GPC5: variants seen among roughly 807,000 people sequenced by gnomAD.
GPC5 encodes glypican 5, also known as glypican-5.
In GPC5, 47 loss-of-function variants were observed where a neutral mutation model predicts 53.9. The ratio of observed to expected loss-of-function variants is 0.87; its 90% CI spans 0.69 to 1.11. GPC5 has a LOEUF of 1.11. Ranked by LOEUF, GPC5 falls within the 50% of genes most tolerant of loss-of-function variation. GPC5 has a pLI of 0.00. For missense variants in GPC5, 748 were observed against 713.1 expected (o/e 1.05, Z -0.56); for synonymous variants, 286 against 263.3 (o/e 1.09, Z -0.84).
intron 7 of GPC5, among the ~76,000 whole-genome samples, chr13:92,248,057 G>A (rs2042665731): frequency 6.6e-6 from 1 of 152,118 alleles, no homozygotes; most frequent in African/African-American, 2.4e-5. Flanking sequence ...TGTAGATAAT[G>A]GCAAGTTAGC....
At chr13:91,955,929 C>T (rs935106914) in intron 6 of GPC5, among the ~76,000 whole-genome samples, 1 of 152,174 alleles carries the variant, frequency 6.6e-6, no homozygotes, top group Admixed American at 6.5e-5. Context: ...TACAAGCACC[C>T]TGAGGACAGC....
intron 2 of GPC5, among the ~76,000 whole-genome samples, chr13:91,617,063 A>G (rs990703634): frequency 1.3e-5 from 2 of 152,176 alleles, no homozygotes; most frequent in Non-Finnish European, 2.9e-5. Flanking sequence ...CATTAAATCC[A>G]CTGGAGTATT....
chr13:91,777,446 G>A (rs1409255775), intron 5 of GPC5, among the ~76,000 whole-genome samples: 1 of 152,154 alleles, frequency 6.6e-6, no homozygotes, highest in East Asian at 1.9e-4. Context: ...GCTATTTAAT[G>A]TGAAGTCACC....
intron 2 of GPC5, among the ~76,000 whole-genome samples, chr13:91,542,062 TAAATC>T (rs1379816415): frequency 1.3e-5 from 2 of 151,316 alleles, no homozygotes; most frequent in Non-Finnish European, 2.9e-5. Flanking sequence ...ATAACACTCT[TAAATC>T]AACCTTAAAT....
chr13:92,730,894 T>TC (rs1260315982), intron 7 of GPC5, among the ~76,000 whole-genome samples: 2 of 151,448 alleles, frequency 1.3e-5, no homozygotes, highest in East Asian at 3.9e-4. Context: ...TAGCGGGTGG[T>TC]GAAAATTATT....
intron 7 of GPC5, chr13:92,240,663 G>C (rs925956242): frequency 2.8e-5 from 3 of 105,368 alleles, no homozygotes; most frequent in African/African-American, 1.0e-4. Flanking sequence ...ACCACGATGA[G>C]AGACTAATTT....
intron 2 of GPC5, among the ~76,000 whole-genome samples, chr13:91,470,542 T>C (rs1660020817): frequency 6.6e-6 from 1 of 152,174 alleles, no homozygotes; most frequent in Admixed American, 6.5e-5. Context: ...AGGTGTATGA[T>C]TTGTGACCCA....
At chr13:92,281,122 T>C (rs923231504) in intron 7 of GPC5, among the ~76,000 whole-genome samples, 9 of 152,092 alleles carry the variant, frequency 5.9e-5, no homozygotes, top group Non-Finnish European at 1.0e-4. Context: ...GCTCAGAGGG[T>C]CCCACGCCCA....
chr13:92,217,039 G>A (rs192255428), intron 7 of GPC5, among the ~76,000 whole-genome samples: 1 of 151,858 alleles, frequency 6.6e-6, no homozygotes, highest in East Asian at 1.9e-4. Context: ...TGGCAAGAGG[G>A]TGGGGGTAGC....
chr13:91,942,482 C>T (rs1286794286), intron 6 of GPC5, among the ~76,000 whole-genome samples: 1 of 152,040 alleles, frequency 6.6e-6, no homozygotes, highest in East Asian at 1.9e-4. Context: ...CAACTTCTAA[C>T]TCATCCTGAC....
intron 7 of GPC5, among the ~76,000 whole-genome samples, chr13:92,668,662 T>G (rs1886650068): frequency 6.6e-6 from 1 of 152,160 alleles, no homozygotes; most frequent in South Asian, 2.1e-4. Context: ...TAATCTTTTA[T>G]TTGACATTAA....
intron 2 of GPC5, among the ~76,000 whole-genome samples, chr13:91,652,067 A>C (rs1040158614): frequency 3.9e-5 from 6 of 152,200 alleles, no homozygotes; most frequent in African/African-American, 4.8e-5. Context: ...CACTGCTTCA[A>C]ATATTGTCTC....
intron 6 of GPC5, among the ~76,000 whole-genome samples, chr13:92,003,065 C>A (rs780933027): frequency 6.6e-6 from 1 of 152,142 alleles, no homozygotes; most frequent in Non-Finnish European, 1.5e-5. Flanking sequence ...AATCCCAGCA[C>A]TTTGGGAGGC....
At chr13:92,547,048 C>A (rs1882143015) in intron 7 of GPC5, among the ~76,000 whole-genome samples, 1 of 152,024 alleles carries the variant, frequency 6.6e-6, no homozygotes. Flanking sequence ...AATTTTAGAC[C>A]TAAAACCATA....
At chr13:91,493,960 G>A (rs1043857404) in intron 2 of GPC5, among the ~76,000 whole-genome samples, 3 of 151,788 alleles carry the variant, frequency 2.0e-5, no homozygotes, top group African/African-American at 4.8e-5. Flanking sequence ...TGCAACCTCC[G>A]CCTCCCTGGT....
At chr13:91,877,255 A>T (rs2039213353) in intron 5 of GPC5, among the ~76,000 whole-genome samples, 1 of 152,176 alleles carries the variant, frequency 6.6e-6, no homozygotes. Flanking sequence ...CTGTGAGAAG[A>T]GGGCTGCTGT....
At chr13:92,270,900 C>T (rs996078740) in intron 7 of GPC5, among the ~76,000 whole-genome samples, 1 of 152,058 alleles carries the variant, frequency 6.6e-6, no homozygotes, top group Non-Finnish European at 1.5e-5. Context: ...CATAATCTTG[C>T]TTTGTATTTG....
At chr13:92,450,541 G>A (rs1246558067) in intron 7 of GPC5, among the ~76,000 whole-genome samples, 1 of 152,124 alleles carries the variant, frequency 6.6e-6, no homozygotes, top group Non-Finnish European at 1.5e-5. Context: ...CAGGTTTTTG[G>A]ATTGGGGATG....
intron 7 of GPC5, among the ~76,000 whole-genome samples, chr13:92,749,492 T>G (rs1372084628): frequency 1.3e-5 from 2 of 152,150 alleles, no homozygotes; most frequent in African/African-American, 4.8e-5. Flanking sequence ...CTAGTTATAT[T>G]GATAGTATTC....
Sources: allele counts gnomAD v4.1 joint callset (sites outside exome capture counted in the v4.1 genomes callset), GRCh38; gene constraint gnomAD v4.1.1; transcripts MANE v1.5; gene names NCBI Gene and HGNC (gene_info 2026-07-23, HGNC 2026-07-21).